The following CFAP92 variants were observed in gnomAD, a reference collection of about 807,000 sequenced individuals.
CFAP92 encodes cilia and flagella associated protein 92 (putative), also known as uncharacterized protein CFAP92.
A neutral mutation model predicts 106.3 loss-of-function variants in CFAP92; 86 were observed. The observed-to-expected ratio is 0.81, with a 90% CI of 0.68 to 0.97. The LOEUF (loss-of-function observed/expected upper bound fraction) is 0.97, where lower values mean the gene tolerates loss of function less well. Ranked by LOEUF, CFAP92 falls within the 50% of genes least tolerant of loss-of-function variation. The pLI, the probability that CFAP92 is intolerant of heterozygous loss-of-function variation, is 0.00. For missense variants in CFAP92, 1,204 were observed against 1,283.8 expected, an observed-to-expected ratio of 0.94 and a Z score of 0.95; for synonymous variants, 477 against 506.4, an observed-to-expected ratio of 0.94 and a Z score of 0.78.
upstream of CFAP92, chr3:129,003,393 C>G: frequency 1.6e-6 from 1 of 641,456 alleles, no homozygotes; most frequent in African/African-American, 2.0e-5. Flanking sequence ...TGAGCAGGCA[C>G]GGGGAGGGCT....
intron 12 of CFAP92, among the ~76,000 whole-genome samples, chr3:128,922,041 G>A (rs1323956317): frequency 6.6e-6 from 1 of 152,022 alleles, no homozygotes; most frequent in Non-Finnish European, 1.5e-5. Flanking sequence ...GATTATACCG[G>A]AGAAATTCAA....
At chr3:128,969,884 G>A (rs1409865627) in intron 8 of CFAP92, 2 of 152,244 alleles carry the variant, frequency 1.3e-5, no homozygotes, top group African/African-American at 4.8e-5. Context: ...CTCTCAAGAG[G>A]TTCTGATGCT....
chr3:129,002,481 C>T (rs564586466), intron 1 of CFAP92: 3 of 1,337,836 alleles, frequency 2.2e-6, no homozygotes, highest in Non-Finnish European at 2.9e-6. Context: ...TTGCATCTTG[C>T]CCCTGTTCCT....
chr3:128,944,250 T>A (rs1344197820), intron 10 of CFAP92, among the ~76,000 whole-genome samples: 2 of 152,166 alleles, frequency 1.3e-5, no homozygotes, highest in East Asian at 3.8e-4. Flanking sequence ...ACTTTTTGAC[T>A]ATTATACATA....
intron 9 of CFAP92, among the ~76,000 whole-genome samples, chr3:128,959,805 T>C (rs1384482734): frequency 1.3e-5 from 2 of 152,140 alleles, no homozygotes; most frequent in Non-Finnish European, 1.5e-5. Context: ...AATGGTAAAA[T>C]ACAGGTGATA....
intron 7 of CFAP92, among the ~76,000 whole-genome samples, chr3:128,975,485 G>T (rs1943092557): frequency 6.6e-6 from 1 of 151,642 alleles, no homozygotes; most frequent in Admixed American, 6.6e-5. Flanking sequence ...AAATGGAATG[G>T]GTGGGTGGAC....
chr3:128,970,369 G>A (rs1022088509), intron 8 of CFAP92: 3 of 152,178 alleles, frequency 2.0e-5, no homozygotes, highest in Non-Finnish European at 2.9e-5. Context: ...TCTGACTTAC[G>A]GGGTTTTTGC....
At chr3:128,962,561 G>T (rs552303326) in intron 9 of CFAP92, among the ~76,000 whole-genome samples, 2 of 151,746 alleles carry the variant, frequency 1.3e-5, no homozygotes, top group African/African-American at 2.4e-5. Flanking sequence ...CCTCCTTTGC[G>T]TCCTCCTCTT....
At chr3:128,956,220 A>T (rs865783526) in intron 9 of CFAP92, among the ~76,000 whole-genome samples, 3,283 of 88,810 alleles carry the variant, frequency 0.037, 96 homozygotes, top group Non-Finnish European at 0.044. Flanking sequence ...AAAAATAAAA[A>T]AAAAAAAAGA....
At chr3:128,921,148 G>A (rs933759653) in intron 12 of CFAP92, among the ~76,000 whole-genome samples, 4 of 152,066 alleles carry the variant, frequency 2.6e-5, no homozygotes, top group Admixed American at 1.3e-4. Flanking sequence ...TGACTCTGCC[G>A]GACTTCATAG....
intron 2 of CFAP92, among the ~76,000 whole-genome samples, chr3:128,989,289 TA>T (rs56776852): frequency 0.033 from 4,075 of 122,216 alleles, 193 homozygotes; most frequent in African/African-American, 0.1. Context: ...AAGAAGCAGG[TA>T]AAAAAAAAAA....
intron 11 of CFAP92, among the ~76,000 whole-genome samples, chr3:128,933,884 C>T (rs1334371394): frequency 1.3e-5 from 2 of 152,104 alleles, no homozygotes; most frequent in African/African-American, 4.8e-5. Flanking sequence ...TTTCTCCTTC[C>T]TATCTCTCCA....
At chr3:128,910,628 G>A in intron 15 of CFAP92, 1 of 1,156,232 alleles carries the variant, frequency 8.6e-7, no homozygotes, top group South Asian at 1.2e-5. Context: ...TCCTGTGCCA[G>A]GCCTTGTGAC....
the CFAP92 span, among the ~76,000 whole-genome samples, chr3:129,017,131 C>T: frequency 6.6e-6 from 1 of 152,214 alleles, no homozygotes; most frequent in African/African-American, 2.4e-5. Flanking sequence ...GCAGACTTCC[C>T]CTCACCTCTC....
At chr3:128,956,196 T>TA (rs577724635) in intron 9 of CFAP92, among the ~76,000 whole-genome samples, 15 of 61,712 alleles carry the variant, frequency 2.4e-4, no homozygotes, top group South Asian at 5.6e-4. Context: ...AAAAAAAAAA[T>TA]AAAAAAAAAA....
At chr3:128,971,895 G>C (rs1942825686) in intron 7 of CFAP92, among the ~76,000 whole-genome samples, 1 of 152,174 alleles carries the variant, frequency 6.6e-6, no homozygotes, top group South Asian at 2.1e-4. Flanking sequence ...ACTGAGAAGA[G>C]GAAATTAGCA....
At chr3:128,967,294 C>T (rs1942445865) in intron 8 of CFAP92, 1 of 152,188 alleles carries the variant, frequency 6.6e-6, no homozygotes, top group African/African-American at 2.4e-5. Context: ...TGCACAGCTC[C>T]TGGGGGTAGC....
intron 9 of CFAP92, among the ~76,000 whole-genome samples, chr3:128,962,928 C>G (rs1378936550): frequency 6.6e-6 from 1 of 152,164 alleles, no homozygotes. Flanking sequence ...CCTCTACTAC[C>G]CATTATTCTG....
At chr3:129,001,838 C>T (rs1323088349) in intron 1 of CFAP92, 3 of 1,545,698 alleles carry the variant, frequency 1.9e-6, no homozygotes, top group South Asian at 2.4e-5. Context: ...ACTGCCGCGG[C>T]GCCGGCCGTC....
Sources: allele counts gnomAD v4.1 joint callset (sites outside exome capture counted in the v4.1 genomes callset), GRCh38; gene constraint gnomAD v4.1.1; transcripts MANE v1.5; gene names NCBI Gene and HGNC (gene_info 2026-07-23, HGNC 2026-07-21).